Variants in SNX29 observed in about 807,000 individuals in gnomAD.
The protein encoded by SNX29 is sorting nexin-29.
A neutral mutation model predicts 102.1 loss-of-function variants in SNX29; 78 were observed. That is an observed-to-expected ratio of 0.76 (90% confidence interval 0.64 to 0.92). The LOEUF (loss-of-function observed/expected upper bound fraction) is 0.92. Among genes scored for constraint, SNX29 ranks in the 40% least tolerant of loss-of-function variants. SNX29 has a pLI of 0.00. For synonymous variants in SNX29, 580 were observed against 414.5 expected, an observed-to-expected ratio of 1.40 and a Z score of -4.85; for missense variants, 1,280 against 1,061.7, an observed-to-expected ratio of 1.21 and a Z score of -2.86.
At chr16:12,403,652 C>T (rs76112262) in intron 18 of SNX29, 123 bp downstream of exon 18, 33,163 of 921,474 alleles carry the variant, frequency 0.036, 765 homozygotes, top group Non-Finnish European at 0.04. Flanking sequence ...GCCTTCCAGA[C>T]ACCCACATCT....
At chr16:12,279,903 G>A (rs2079378226) in intron 15 of SNX29, among the ~76,000 whole-genome samples, 1 of 152,214 alleles carries the variant, frequency 6.6e-6, no homozygotes, top group South Asian at 2.1e-4. Flanking sequence ...GGGTGCTGTG[G>A]TGAGGACTCC....
intron 14 of SNX29, among the ~76,000 whole-genome samples, chr16:12,267,463 G>A (rs937126350): frequency 6.6e-6 from 1 of 152,144 alleles, no homozygotes; most frequent in African/African-American, 2.4e-5. Flanking sequence ...TTCTCAAGTG[G>A]GATGGTTAAA....
intron 13 of SNX29, among the ~76,000 whole-genome samples, chr16:12,189,791 G>A (rs555210706): frequency 6.6e-6 from 1 of 151,784 alleles, no homozygotes; most frequent in Non-Finnish European, 1.5e-5. Flanking sequence ...CAGAGCGTCC[G>A]AGCATCAAAA....
chr16:12,483,184 G>GT (rs2088051332), intron 19 of SNX29, among the ~76,000 whole-genome samples: 1 of 111,986 alleles, frequency 8.9e-6, no homozygotes, highest in Non-Finnish European at 1.7e-5. Flanking sequence ...ATTTTTGTGT[G>GT]TTTTTGTAGA....
intron 20 of SNX29, among the ~76,000 whole-genome samples, chr16:12,554,778 T>C (rs937142979): frequency 2.0e-5 from 3 of 151,986 alleles, no homozygotes; most frequent in Non-Finnish European, 2.9e-5. Flanking sequence ...TCCCCCGCCA[T>C]AGAATGCAAT....
chr16:12,048,930 T>C (rs1311008895), intron 7 of SNX29, among the ~76,000 whole-genome samples: 1 of 152,230 alleles, frequency 6.6e-6, no homozygotes, highest in Admixed American at 6.5e-5. Flanking sequence ...TGTTCCTTCA[T>C]CGTATTCTGT....
intron 15 of SNX29, among the ~76,000 whole-genome samples, chr16:12,318,003 G>C (rs1262065499): frequency 6.6e-6 from 1 of 152,240 alleles, no homozygotes; most frequent in East Asian, 1.9e-4. Context: ...CTGAGGCGGT[G>C]GTTGTCATCA....
chr16:12,174,810 G>T (rs989870156), intron 13 of SNX29, among the ~76,000 whole-genome samples: 3 of 152,134 alleles, frequency 2.0e-5, no homozygotes, highest in African/African-American at 7.2e-5. Flanking sequence ...AAGTTGCTAA[G>T]CTCTCCCCTC....
chr16:11,987,035 C>T (rs1319295124), intron 1 of SNX29, among the ~76,000 whole-genome samples: 1 of 152,076 alleles, frequency 6.6e-6, no homozygotes, highest in African/African-American at 2.4e-5. Context: ...GGATTTAACT[C>T]CCTATTGAAG....
Position 12,069,048 on chromosome 16 carries a change from T to G in SNX29, c.1244-9T>G. On this transcript the variant is annotated splice_polypyrimidine_tract_variant and intron_variant, in intron 9 of 20. Transcript: ENST00000566228. ...GTGACCTCTTTCTGTGATTGCTCTC[T>G]CTGCACAGATGCCCCCCTCGGAAGC... 6.2e-7 allele frequency: 1 copy of G among 1,613,712 alleles called. No homozygotes were observed. Among genetic ancestry groups the G allele is most frequent in the Non-Finnish European group, 8.5e-7 (1 of 1,179,702 alleles).
At chr16:12,279,392 G>C (rs73506123) in intron 15 of SNX29, among the ~76,000 whole-genome samples, 1 of 152,180 alleles carries the variant, frequency 6.6e-6, no homozygotes, top group Non-Finnish European at 1.5e-5. Context: ...TTCTAACTCA[G>C]GTGAGCTCAA....
intron 18 of SNX29, among the ~76,000 whole-genome samples, chr16:12,418,363 A>C (rs910319453): frequency 2.3e-4 from 30 of 128,728 alleles, no homozygotes; most frequent in Admixed American, 3.1e-4. Flanking sequence ...GACGATGAGG[A>C]TTGTATTTAT....
intron 11 of SNX29, among the ~76,000 whole-genome samples, chr16:12,114,659 T>A (rs1223655334): frequency 1.3e-5 from 2 of 151,916 alleles, no homozygotes; most frequent in East Asian, 3.9e-4. Flanking sequence ...TGATCTCAGC[T>A]CACTGCAACC....
At chr16:12,243,279 A>G (rs1409357939) in intron 14 of SNX29, among the ~76,000 whole-genome samples, 1 of 152,208 alleles carries the variant, frequency 6.6e-6, no homozygotes, top group Non-Finnish European at 1.5e-5. Flanking sequence ...CATGTGCTCC[A>G]GGTGACCAAA....
chr16:12,423,287 G>T (rs74536972), intron 18 of SNX29, among the ~76,000 whole-genome samples: 1 of 151,860 alleles, frequency 6.6e-6, no homozygotes, highest in Non-Finnish European at 1.5e-5. Flanking sequence ...TAGATCATAA[G>T]AGCTGATGAC....
chr16:12,552,886 T>C (rs575832358), intron 20 of SNX29, among the ~76,000 whole-genome samples: 57 of 152,286 alleles, frequency 3.7e-4, no homozygotes, highest in African/African-American at 1.3e-3. Context: ...GACATGGACA[T>C]GGAGGCAGGA....
At chr16:11,998,415 G>C (rs8061526) in intron 1 of SNX29, among the ~76,000 whole-genome samples, 36 of 152,332 alleles carry the variant, frequency 2.4e-4, no homozygotes, top group African/African-American at 8.2e-4. Context: ...ATGTGTGTCA[G>C]TTGGGAATGC....
chr16:12,157,285 G>A (rs1000780496), intron 13 of SNX29, among the ~76,000 whole-genome samples: 3 of 152,142 alleles, frequency 2.0e-5, no homozygotes, highest in Non-Finnish European at 4.4e-5. Context: ...CCCTTCTCTG[G>A]CTCTGGAGAA....
chr16:12,317,376 G>A (rs548219622), intron 15 of SNX29, among the ~76,000 whole-genome samples: 2 of 152,240 alleles, frequency 1.3e-5, no homozygotes, highest in South Asian at 2.1e-4. Context: ...TGGCTCTTCC[G>A]TGAAGCCCTC....
Sources: allele counts gnomAD v4.1 joint callset (sites outside exome capture counted in the v4.1 genomes callset), GRCh38; gene constraint gnomAD v4.1.1; transcripts MANE v1.5; gene names NCBI Gene and HGNC (gene_info 2026-07-23, HGNC 2026-07-21).